OPCML: variants seen among roughly 807,000 people sequenced by gnomAD.
OPCML encodes opioid binding protein/cell adhesion molecule like.
A neutral mutation model predicts 37.8 loss-of-function variants in OPCML; 13 were observed. The ratio of observed to expected loss-of-function variants is 0.34; its 90% CI spans 0.22 to 0.55. The LOEUF (loss-of-function observed/expected upper bound fraction) is 0.55. Among genes scored for constraint, OPCML ranks in the 20% least tolerant of loss-of-function variants. The probability of loss-of-function intolerance (pLI) is 0.91; values close to 1 mark genes in which losing one functional copy is unlikely to be tolerated. For synonymous variants in OPCML, 176 were observed against 168.8 expected (o/e 1.04, Z -0.33); for missense variants, 341 against 435.6 (o/e 0.78, Z 1.93).
At chr11:133,518,951 T>G (rs1591592877) in intron 1 of OPCML, among the ~76,000 whole-genome samples, 1 of 151,940 alleles carries the variant, frequency 6.6e-6, no homozygotes, top group Admixed American at 6.6e-5. Context: ...CCCACAGAGG[T>G]GCTTGCCCTG....
intron 2 of OPCML, among the ~76,000 whole-genome samples, chr11:132,663,115 T>C (rs1275628248): frequency 6.6e-6 from 1 of 152,218 alleles, no homozygotes; most frequent in Non-Finnish European, 1.5e-5. Flanking sequence ...ATACCAAAGA[T>C]CCTAGACTCT....
chr11:132,863,276 T>G (rs1014021620), intron 2 of OPCML, among the ~76,000 whole-genome samples: 1 of 152,140 alleles, frequency 6.6e-6, no homozygotes, highest in Non-Finnish European at 1.5e-5. Flanking sequence ...ACAAGTATAG[T>G]TGCATGAATT....
At chr11:133,054,605 C>A (rs1369924250) in intron 1 of OPCML, among the ~76,000 whole-genome samples, 2 of 152,210 alleles carry the variant, frequency 1.3e-5, no homozygotes, top group East Asian at 3.9e-4. Context: ...AGACGAAACA[C>A]TTACAGGAAT....
intron 2 of OPCML, among the ~76,000 whole-genome samples, chr11:132,703,397 T>A (rs1417489570): frequency 6.6e-6 from 1 of 152,248 alleles, no homozygotes; most frequent in Non-Finnish European, 1.5e-5. Flanking sequence ...AAAATGTTGC[T>A]GTCCAGTGTA....
intron 1 of OPCML, chr11:133,008,873 A>G (rs970925902): frequency 1.0e-6 from 1 of 985,204 alleles, no homozygotes; most frequent in Non-Finnish European, 1.2e-6. Context: ...ATGGAGCCCA[A>G]CCTAATATAT....
rs566996392 is a variant in OPCML, at chr11:133,427,444, A to G, written c.61+104820T>C. Among the ~76,000 whole-genome samples, 6 of 152,044 alleles carry G rather than the reference A, an allele frequency of 3.9e-5. No individual in the cohort carries two copies. The South Asian group carries it at 1.2e-3, about 32-fold the overall frequency. On this transcript the variant is annotated intron_variant, in intron 1 of 7. Coordinates refer to ENST00000524381, the MANE Select transcript of OPCML (RefSeq NM_001012393.5). ...GTGGGGGGGCGGGGTTCAAAAAAAC[A>G]AAAATGAAGACAAAACTTACCAAAA...
chr11:133,458,756 C>CACATAGATGCACGTGTGTGTGTATATAT (rs1946780400), intron 1 of OPCML, among the ~76,000 whole-genome samples: 1 of 131,480 alleles, frequency 7.6e-6, no homozygotes, highest in African/African-American at 3.4e-5. Context: ...TGTATATATA[C>CACATAGATGCACGTGTGTGTGTATATAT]ACATAGATGC....
At chr11:132,631,666 A>T (rs373580448) in intron 3 of OPCML, among the ~76,000 whole-genome samples, 1 of 151,458 alleles carries the variant, frequency 6.6e-6, no homozygotes, top group South Asian at 2.1e-4. Context: ...ATATTTTTAA[A>T]CCACGACAAG....
chr11:133,379,424 T>G (rs549812412), intron 1 of OPCML, among the ~76,000 whole-genome samples: 188 of 152,366 alleles, frequency 1.2e-3, no homozygotes, highest in African/African-American at 4.2e-3. Context: ...TTCATTTATT[T>G]GTGTGCTCAT....
At chr11:132,841,631 C>T (rs1377895709) in intron 2 of OPCML, among the ~76,000 whole-genome samples, 1 of 151,930 alleles carries the variant, frequency 6.6e-6, no homozygotes, top group Non-Finnish European at 1.5e-5. Flanking sequence ...CACCTGTAAT[C>T]CCAGCATGTT....
At chr11:133,495,938 C>A (rs934885070) in intron 1 of OPCML, among the ~76,000 whole-genome samples, 12 of 152,116 alleles carry the variant, frequency 7.9e-5, no homozygotes, top group African/African-American at 2.9e-4. Context: ...GTTTTTATTG[C>A]ATTTGCTTTT....
At chr11:133,117,501 C>G (rs181552503) in intron 1 of OPCML, among the ~76,000 whole-genome samples, 1 of 152,242 alleles carries the variant, frequency 6.6e-6, no homozygotes, top group Admixed American at 6.5e-5. Context: ...GCCCAATTCT[C>G]CCTCTCTTTC....
At chr11:132,731,561 C>T (rs189917288) in intron 2 of OPCML, among the ~76,000 whole-genome samples, 4 of 152,290 alleles carry the variant, frequency 2.6e-5, no homozygotes, top group Admixed American at 2.6e-4. Flanking sequence ...ATAATTCACC[C>T]ACTACATTCT....
At chr11:133,141,024 CGACGACGACGACGACGACGACGACGAA>C (rs1949806458) in intron 1 of OPCML, among the ~76,000 whole-genome samples, 1 of 8,698 alleles carries the variant, frequency 1.1e-4, no homozygotes, top group African/African-American at 2.4e-4. Flanking sequence ...ACGACGACGA[CGACGACGACGACGACGACGACGACGAA>C]GAAGAAGAAG....
intron 1 of OPCML, among the ~76,000 whole-genome samples, chr11:133,240,126 C>T (rs1840223): frequency 0.13 from 19,638 of 150,354 alleles, 2,111 homozygotes; most frequent in East Asian, 0.53. Flanking sequence ...GCTCTGCCTT[C>T]CTCTCAAAGC....
intron 2 of OPCML, among the ~76,000 whole-genome samples, chr11:132,709,726 G>A (rs767044107): frequency 7.2e-5 from 11 of 152,236 alleles, no homozygotes; most frequent in African/African-American, 2.2e-4. Context: ...ACTACAGCCC[G>A]CACTCAAAGG....
chr11:133,385,417 T>C (rs150560605), intron 1 of OPCML, among the ~76,000 whole-genome samples: 74 of 152,308 alleles, frequency 4.9e-4, no homozygotes, highest in African/African-American at 1.7e-3. Context: ...AACTAATGTA[T>C]GTGGCTCTGC....
intron 1 of OPCML, among the ~76,000 whole-genome samples, chr11:133,046,314 G>A (rs1443955629): frequency 6.6e-6 from 1 of 152,196 alleles, no homozygotes; most frequent in Non-Finnish European, 1.5e-5. Context: ...CAAGCAAGAA[G>A]CAGTAGCTCA....
intron 1 of OPCML, among the ~76,000 whole-genome samples, chr11:133,503,481 T>C (rs180952131): frequency 6.6e-6 from 1 of 152,370 alleles, no homozygotes; most frequent in African/African-American, 2.4e-5. Context: ...CTCCATTGCT[T>C]AGCAGCTTTT....
Sources: allele counts gnomAD v4.1 joint callset (sites outside exome capture counted in the v4.1 genomes callset), GRCh38; gene constraint gnomAD v4.1.1; transcripts MANE v1.5; gene names NCBI Gene and HGNC (gene_info 2026-07-23, HGNC 2026-07-21).